The following OSBPL10 variants were observed in gnomAD, a reference collection of about 807,000 sequenced individuals.
The protein encoded by OSBPL10 is oxysterol-binding protein-related protein 10.
OSBPL10 carries 49 observed loss-of-function variants against 81.7 expected under a neutral mutation model. The observed-to-expected ratio is 0.60, with a 90% confidence interval of 0.48 to 0.76. The LOEUF is 0.76. Ranked by LOEUF, OSBPL10 falls within the 30% of genes least tolerant of loss-of-function variation. The pLI, the probability that OSBPL10 is intolerant of heterozygous loss-of-function variation, is 0.00. For synonymous variants in OSBPL10, 419 were observed against 383.6 expected (o/e 1.09, Z -1.08); for missense variants, 923 against 987.8 (o/e 0.93, Z 0.88).
At chr3:32,041,751 A>T (rs1699578338) in intron 2 of OSBPL10, among the ~76,000 whole-genome samples, 1 of 151,834 alleles carries the variant, frequency 6.6e-6, no homozygotes, top group African/African-American at 2.4e-5. Context: ...TCCACCTCCC[A>T]GGTTCCAGCA....
In OSBPL10 at chr3:31,835,350, A is replaced by G. The variant is rs145839994; in HGVS notation, c.538-5119T>C. 1.7e-4 allele frequency among the ~76,000 whole-genome samples: 26 copies of G among 151,372 alleles called. No individual in the cohort carries two copies. In the East Asian group the frequency reaches 4.7e-3, roughly 27 times the overall value. ...GAAAGTTTCCCTTAATACTTGCGAT[A>G]AACAAAGTTCCAAATAGAAAAGATC... On this transcript the variant is annotated intron_variant, in intron 3 of 11. Transcript: ENST00000396556.
rs545130441 is a variant in OSBPL10, at chr3:31,933,434, T to C, written c.281+47465A>G. Among the ~76,000 whole-genome samples, 5 of 152,142 alleles carry C rather than the reference T, an allele frequency of 3.3e-5. No individual in the cohort carries two copies. The East Asian group carries it at 9.6e-4, about 29-fold the overall frequency. ...TTTTTTTTTTTTAGGAGACAGGGTC[T>C]CTTGCTGTTGCCCAGGCTGGAATGC... is the stretch of plus-strand genomic sequence containing the variant. On this transcript the variant is annotated intron_variant, in intron 1 of 11. Transcript: ENST00000396556.
intron 2 of OSBPL10, among the ~76,000 whole-genome samples, chr3:32,007,251 G>C (rs1363670148): frequency 6.6e-6 from 1 of 151,974 alleles, no homozygotes; most frequent in Admixed American, 6.6e-5. Context: ...TGTCCAAGTG[G>C]GTAAAGTTAT....
intron 7 of OSBPL10, among the ~76,000 whole-genome samples, chr3:31,697,253 GGTCCTAA>G (rs1240611564): frequency 2.6e-5 from 4 of 152,116 alleles, no homozygotes; most frequent in Non-Finnish European, 5.9e-5. Context: ...GAGAGGGAAA[GGTCCTAA>G]GACTTCATGA....
chr3:32,001,054 A>ATAAACAGGCAGAGT (rs1659307356), intron 2 of OSBPL10, among the ~76,000 whole-genome samples: 1 of 152,134 alleles, frequency 6.6e-6, no homozygotes, highest in African/African-American at 2.4e-5. Flanking sequence ...AATCAAACTA[A>ATAAACAGGCAGAGT]TAAACAGGCA....
chr3:31,670,051 C>G (rs1700285461), intron 9 of OSBPL10, among the ~76,000 whole-genome samples: 1 of 152,222 alleles, frequency 6.6e-6, no homozygotes, highest in Non-Finnish European at 1.5e-5. Flanking sequence ...CTGATTTCAA[C>G]TACCAACATG....
intron 4 of OSBPL10, among the ~76,000 whole-genome samples, chr3:31,759,046 TC>T (rs1697961942): frequency 6.6e-6 from 1 of 151,912 alleles, no homozygotes; most frequent in Admixed American, 6.5e-5. Flanking sequence ...ATATTTTTCC[TC>T]CCCTATGATT....
intron 1 of OSBPL10, among the ~76,000 whole-genome samples, chr3:31,907,429 T>C (rs142682566): frequency 6.6e-6 from 1 of 151,634 alleles, no homozygotes; most frequent in East Asian, 1.9e-4. Context: ...CAGTTCAAGA[T>C]CAGCCTGGCC....
At chr3:31,731,444 G>A (rs1178807948) in intron 6 of OSBPL10, among the ~76,000 whole-genome samples, 1 of 151,558 alleles carries the variant, frequency 6.6e-6, no homozygotes, top group Non-Finnish European at 1.5e-5. Context: ...TCTTCTTCAG[G>A]ATGTATTTTT....
intron 1 of OSBPL10, among the ~76,000 whole-genome samples, chr3:31,954,519 A>G (rs748871410): frequency 8.5e-5 from 13 of 152,248 alleles, no homozygotes; most frequent in Non-Finnish European, 1.0e-4. Context: ...AGCCAGACAC[A>G]GTAAGTATAT....
At position 31,989,299 on chromosome 3, in the gene OSBPL10, T is replaced by C. The variant is rs781193991; in HGVS notation, n.298+57192A>G. On this transcript the variant is annotated intron_variant and non_coding_transcript_variant, in intron 2 of 3. Transcript: ENST00000479173. ...CTCTTCCAAATGCATGATGAAGAAGTTCTCATCAACAGCGCAAGGCAATAC... is the reference window on the plus strand; with the variant it reads ...CTCTTCCAAATGCATGATGAAGAAGCTCTCATCAACAGCGCAAGGCAATAC... 2.5e-6 allele frequency: 4 copies of C among 1,614,116 alleles called. No homozygotes were observed. The Admixed American group carries it at 6.7e-5, about 27-fold the overall frequency.
chr3:31,733,862 T>G (rs1439104676), intron 5 of OSBPL10, among the ~76,000 whole-genome samples: 1 of 151,762 alleles, frequency 6.6e-6, no homozygotes, highest in East Asian at 1.9e-4. Flanking sequence ...TACAAAAAAT[T>G]AGCTGGGCGT....
chr3:31,853,173 C>A (rs1700812074), intron 3 of OSBPL10, among the ~76,000 whole-genome samples: 1 of 152,138 alleles, frequency 6.6e-6, no homozygotes, highest in South Asian at 2.1e-4. Context: ...AATAAATATC[C>A]TAATACAGGT....
chr3:32,076,909 A>G (rs192205959), intron 1 of OSBPL10, among the ~76,000 whole-genome samples: 21 of 152,228 alleles, frequency 1.4e-4, no homozygotes, highest in Admixed American at 9.8e-4. Flanking sequence ...CATCAAGTGC[A>G]GGGTCTGCAA....
At chr3:31,701,783 G>A (rs1188619435) in intron 7 of OSBPL10, 2 of 152,618 alleles carry the variant, frequency 1.3e-5, no homozygotes, top group African/African-American at 4.8e-5. Context: ...AGGTTCCTCA[G>A]GAAGCATCCT....
intron 1 of OSBPL10, among the ~76,000 whole-genome samples, chr3:31,907,456 G>A (rs932863052): frequency 4.6e-5 from 7 of 151,262 alleles, no homozygotes; most frequent in East Asian, 1.9e-4. Context: ...GTGAAATCCC[G>A]TCTCCACTAA....
chr3:32,060,258 A>T (rs1328945750), intron 1 of OSBPL10, among the ~76,000 whole-genome samples: 2 of 152,186 alleles, frequency 1.3e-5, no homozygotes, highest in Non-Finnish European at 2.9e-5. Flanking sequence ...TGCTGGCTAA[A>T]TTCCTCTGCA....
chr3:31,805,619 G>A (rs1326424063), intron 4 of OSBPL10, among the ~76,000 whole-genome samples: 1 of 152,166 alleles, frequency 6.6e-6, no homozygotes, highest in Non-Finnish European at 1.5e-5. Context: ...GACATAAAGT[G>A]AAATGATCCA....
intron 2 of OSBPL10, among the ~76,000 whole-genome samples, chr3:31,878,131 A>C (rs1346194470): frequency 1.3e-5 from 2 of 152,156 alleles, no homozygotes; most frequent in Admixed American, 6.5e-5. Context: ...GCAGATCATA[A>C]AACCTCTATA....
Sources: gnomAD v4.1 joint callset for allele counts (sites outside exome capture counted in the v4.1 genomes callset) on GRCh38, gnomAD v4.1.1 for gene constraint, MANE v1.5 for transcripts, NCBI Gene and HGNC (gene_info 2026-07-23, HGNC 2026-07-21) for gene names.